The following CSMD3 variants were observed in gnomAD, a reference collection of about 807,000 sequenced individuals.
CSMD3 encodes the protein CUB and Sushi multiple domains 3.
In CSMD3, 177 loss-of-function variants were observed where a neutral mutation model predicts 435.2. The ratio of observed to expected loss-of-function variants is 0.41; its 90% CI spans 0.36 to 0.46. The LOEUF is 0.46. CSMD3 is among the 20% of genes least tolerant of loss of function. CSMD3 has a pLI of 0.34. For missense variants in CSMD3, 4,265 were observed against 4,504.6 expected (o/e 0.95, Z 1.52); for synonymous variants, 1,656 against 1,520.5 (o/e 1.09, Z -2.07).
intron 13 of CSMD3, among the ~76,000 whole-genome samples, chr8:112,770,940 G>A (rs1297086017): frequency 6.6e-6 from 1 of 151,932 alleles, no homozygotes; most frequent in Admixed American, 6.6e-5. Context: ...TAAGCTGTAT[G>A]TCAATTCTAA....
At position 112,981,765 on chromosome 8, in the gene CSMD3, G is replaced by T. The variant is rs75647049; in HGVS notation, c.1031-5617C>A. On this transcript the variant is annotated intron_variant, in intron 6 of 70. Transcript: ENST00000297405. ...AAGGATCTCAAATTATGAATTGCTA[G>T]AAATTTTAATAAACACACATGCCAA... Among the ~76,000 whole-genome samples the T allele has an allele frequency of 8.0e-3, 1,211 of 151,670 alleles. 16 individuals are homozygous for T. Among genetic ancestry groups the T allele is most frequent in the African/African-American group, 0.027 (1,133 of 41,464 alleles).
chr8:113,008,266 T>C (rs2131109274), intron 6 of CSMD3, among the ~76,000 whole-genome samples: 1 of 151,944 alleles, frequency 6.6e-6, no homozygotes, highest in East Asian at 1.9e-4. Context: ...GGAAATACAA[T>C]AATCATAGAA....
chr8:113,054,868 T>C (rs1189314816), intron 5 of CSMD3, among the ~76,000 whole-genome samples: 1 of 152,142 alleles, frequency 6.6e-6, no homozygotes, highest in Non-Finnish European at 1.5e-5. Context: ...TGGTAAGAGC[T>C]TCTCTCTATT....
intron 3 of CSMD3, among the ~76,000 whole-genome samples, chr8:113,218,670 A>C (rs939836629): frequency 6.6e-6 from 1 of 151,268 alleles, no homozygotes; most frequent in Non-Finnish European, 1.5e-5. Context: ...AATAACTAGT[A>C]ATGGAAGGAA....
At chr8:113,090,687 C>T (rs2089973132) in intron 5 of CSMD3, among the ~76,000 whole-genome samples, 1 of 152,128 alleles carries the variant, frequency 6.6e-6, no homozygotes, top group South Asian at 2.1e-4. Context: ...CATGGCCCAG[C>T]AATGCTGTTG....
At chr8:113,414,515 G>A (rs1206199398) in intron 1 of CSMD3, among the ~76,000 whole-genome samples, 1 of 151,866 alleles carries the variant, frequency 6.6e-6, no homozygotes, top group African/African-American at 2.4e-5. Context: ...ATTTTAGTAG[G>A]CAGAAAGTAC....
intron 28 of CSMD3, among the ~76,000 whole-genome samples, chr8:112,507,755 T>C (rs546101059): frequency 6.6e-6 from 1 of 152,322 alleles, no homozygotes; most frequent in Admixed American, 6.5e-5. Context: ...TTGCATGAGT[T>C]GAGATATGTA....
rs546708017 is a variant in CSMD3 at position 113,184,749 on chromosome 8, G to A, written c.515-10833C>T. ...CTTTCGTTCAATCTTATCAGCTTCC[G>A]AAAGCAGATGTGGTCTCCACAAACC... On this transcript the variant is annotated intron_variant, in intron 3 of 70. Transcript: ENST00000297405. 3.2e-4 allele frequency among the ~76,000 whole-genome samples: 49 copies of A among 152,162 alleles called. 1 individual carries two copies. In the South Asian group the frequency reaches 6.6e-3, roughly 21 times the overall value.
intron 27 of CSMD3, among the ~76,000 whole-genome samples, chr8:112,532,769 G>A (rs944481506): frequency 1.3e-5 from 2 of 152,186 alleles, no homozygotes; most frequent in Non-Finnish European, 2.9e-5. Flanking sequence ...AAAACTCACT[G>A]GTAAAATTAA....
chr8:112,990,461 C>T (rs73347974), intron 6 of CSMD3, among the ~76,000 whole-genome samples: 2,486 of 151,346 alleles, frequency 0.016, 56 homozygotes, highest in African/African-American at 0.056. Flanking sequence ...TTGAGTTTTA[C>T]GGAAGTATTT....
chr8:113,268,514 T>C (rs1191408774), intron 3 of CSMD3, among the ~76,000 whole-genome samples: 3 of 151,816 alleles, frequency 2.0e-5, no homozygotes, highest in African/African-American at 7.3e-5. Context: ...TAGATATTCA[T>C]TAGAAAATTT....
intron 54 of CSMD3, among the ~76,000 whole-genome samples, chr8:112,295,007 G>T (rs1421093073): frequency 1.3e-5 from 2 of 151,892 alleles, no homozygotes; most frequent in African/African-American, 4.8e-5. Flanking sequence ...ATCACCTGAG[G>T]AGTATACACT....
At position 112,552,725 on chromosome 8, in the gene CSMD3, TA is replaced by T. The variant is rs752300047; in HGVS notation, c.4235-6del. The T allele has an allele frequency of 1.2e-6, 2 of 1,609,512 alleles. No individual in the cohort carries two copies. Among genetic ancestry groups the T allele is most frequent in the Non-Finnish European group, 1.7e-6 (2 of 1,177,486 alleles). ...TAAAACGACCTCCACATTCAGCTGA[TA>T]AAAAATAATAGAAATTTAAGCCACA... is the stretch of plus-strand genomic sequence containing the variant. On this transcript the variant is annotated splice_polypyrimidine_tract_variant and splice_region_variant and intron_variant, in intron 25 of 70. Transcript: ENST00000297405.
At chr8:112,673,296 T>C (rs2075699230) in intron 16 of CSMD3, among the ~76,000 whole-genome samples, 1 of 151,858 alleles carries the variant, frequency 6.6e-6, no homozygotes, top group Non-Finnish European at 1.5e-5. Flanking sequence ...GGTATGTATC[T>C]AGGATAAGAA....
At chr8:112,869,975 C>G (rs1283960824) in intron 10 of CSMD3, among the ~76,000 whole-genome samples, 1 of 152,128 alleles carries the variant, frequency 6.6e-6, no homozygotes, top group South Asian at 2.1e-4. Flanking sequence ...TGCAGCAAAC[C>G]ACCATGGCAC....
intron 18 of CSMD3, among the ~76,000 whole-genome samples, chr8:112,653,518 A>G (rs1474159940): frequency 6.6e-6 from 1 of 152,210 alleles, no homozygotes; most frequent in Admixed American, 6.5e-5. Flanking sequence ...AATTATAGTC[A>G]TATTTCAAGC....
At chr8:112,979,262 T>C (rs2084960781) in intron 6 of CSMD3, among the ~76,000 whole-genome samples, 1 of 151,824 alleles carries the variant, frequency 6.6e-6, no homozygotes, top group Non-Finnish European at 1.5e-5. Context: ...TAAATGCATC[T>C]AAACTTAGAT....
chr8:113,307,564 G>C (rs984225095), intron 2 of CSMD3, among the ~76,000 whole-genome samples: 9 of 152,162 alleles, frequency 5.9e-5, no homozygotes, highest in Admixed American at 3.3e-4. Flanking sequence ...CTCATGCAAA[G>C]ATAATGTAAG....
intron 1 of CSMD3, chr8:113,376,670 T>C: frequency 6.3e-7 from 1 of 1,577,086 alleles, no homozygotes; most frequent in Non-Finnish European, 8.7e-7. Context: ...GGCGCCATCA[T>C]GGGAGTTGAC....
Sources: allele counts gnomAD v4.1 joint callset (sites outside exome capture counted in the v4.1 genomes callset), GRCh38; gene constraint gnomAD v4.1.1; transcripts MANE v1.5; gene names NCBI Gene and HGNC (gene_info 2026-07-23, HGNC 2026-07-21).